SORCS3: variants seen among roughly 807,000 people sequenced by gnomAD.
SORCS3 encodes VPS10 domain-containing receptor SorCS3.
In SORCS3, 57 loss-of-function variants were observed where a neutral mutation model predicts 146.3. The observed-to-expected ratio is 0.39, with a 90% CI of 0.31 to 0.49. SORCS3 has a LOEUF of 0.49. Among genes scored for constraint, SORCS3 ranks in the 20% least tolerant of loss-of-function variants. The probability of loss-of-function intolerance (pLI) is 0.92; values close to 1 mark genes in which losing one functional copy is unlikely to be tolerated. For missense variants in SORCS3, 1,341 were observed against 1,575.5 expected (o/e 0.85, Z 2.52); for synonymous variants, 653 against 618.5 (o/e 1.06, Z -0.83).
At chr10:105,173,513 T>G (rs1336312976) in intron 13 of SORCS3, among the ~76,000 whole-genome samples, 1 of 152,178 alleles carries the variant, frequency 6.6e-6, no homozygotes, top group African/African-American at 2.4e-5. Context: ...TATTTCCATT[T>G]TTTTTCCACT....
intron 20 of SORCS3, among the ~76,000 whole-genome samples, chr10:105,242,001 A>G (rs2056826269): frequency 6.6e-6 from 1 of 151,992 alleles, no homozygotes; most frequent in African/African-American, 2.4e-5. Context: ...TTAACTTGTA[A>G]CTTGGCTTTC....
intron 13 of SORCS3, among the ~76,000 whole-genome samples, chr10:105,175,781 G>A (rs1305254396): frequency 6.6e-6 from 1 of 152,174 alleles, no homozygotes; most frequent in Non-Finnish European, 1.5e-5. Context: ...GACAGATGAT[G>A]ATAATTTAGA....
intron 2 of SORCS3, among the ~76,000 whole-genome samples, chr10:104,848,718 C>CT (rs2018236198): frequency 6.6e-6 from 1 of 152,204 alleles, no homozygotes; most frequent in African/African-American, 2.4e-5. Flanking sequence ...CTGGTGGAAA[C>CT]TCCTGAATGG....
At chr10:105,120,669 A>G (rs779128175) in intron 7 of SORCS3, among the ~76,000 whole-genome samples, 6 of 152,338 alleles carry the variant, frequency 3.9e-5, no homozygotes, top group Admixed American at 2.0e-4. Flanking sequence ...GTTGCTTGCT[A>G]GGTCAATTTG....
chr10:105,088,820 C>T (rs758451924), intron 5 of SORCS3, among the ~76,000 whole-genome samples: 31 of 152,306 alleles, frequency 2.0e-4, no homozygotes, highest in Middle Eastern at 6.8e-3. Context: ...TTGGGTCTCA[C>T]CATTTTCAAT....
Position 104,952,610 on chromosome 10 carries a change from C to T in SORCS3, c.796-24725C>T, listed in dbSNP as rs535337332. ...CCATGTACAGGAACAAATGAAAGTT[C>T]TTCCATTTTCTGCCTTGTGACCAAA... is the stretch of plus-strand genomic sequence containing the variant. On this transcript the variant is annotated intron_variant, in intron 3 of 26. Transcript: ENST00000369701. Among the ~76,000 whole-genome samples, 28 of 152,284 alleles carry T rather than the reference C, an allele frequency of 1.8e-4. No individual in the cohort carries two copies. The South Asian group carries it at 5.6e-3, about 30-fold the overall frequency.
chr10:104,986,230 T>C (rs2054961809), intron 4 of SORCS3, among the ~76,000 whole-genome samples: 1 of 152,218 alleles, frequency 6.6e-6, no homozygotes, highest in African/African-American at 2.4e-5. Context: ...CACTTGTATG[T>C]TATGGAGATG....
At chr10:105,024,306 T>G (rs531604630) in intron 4 of SORCS3, among the ~76,000 whole-genome samples, 97 of 152,268 alleles carry the variant, frequency 6.4e-4, no homozygotes, top group African/African-American at 1.8e-3. Flanking sequence ...CACTCTTTTT[T>G]TTGTTGTTGT....
chr10:105,056,408 A>C (rs183289865), intron 5 of SORCS3, among the ~76,000 whole-genome samples: 1 of 152,204 alleles, frequency 6.6e-6, no homozygotes, highest in Non-Finnish European at 1.5e-5. Flanking sequence ...TTAGGAAAAA[A>C]AAGTTTGTGT....
At chr10:105,108,038 TTCTA>T (rs1421772352) in intron 7 of SORCS3, among the ~76,000 whole-genome samples, 1 of 110,010 alleles carries the variant, frequency 9.1e-6, no homozygotes, top group African/African-American at 3.2e-5. Context: ...AATATTTGCT[TTCTA>T]TCTTTTATCT....
chr10:104,954,390 G>T (rs1204779762), intron 3 of SORCS3, among the ~76,000 whole-genome samples: 1 of 152,094 alleles, frequency 6.6e-6, no homozygotes. Flanking sequence ...TGAATTGAAG[G>T]GTATTAAAAA....
At chr10:105,187,632 A>T (rs2056487212) in intron 14 of SORCS3, among the ~76,000 whole-genome samples, 1 of 152,184 alleles carries the variant, frequency 6.6e-6, no homozygotes, top group Non-Finnish European at 1.5e-5. Flanking sequence ...AGGCAGAGGA[A>T]AAAGGAGGCA....
chr10:104,960,732 G>A (rs2054791043), intron 3 of SORCS3, among the ~76,000 whole-genome samples: 1 of 152,094 alleles, frequency 6.6e-6, no homozygotes, highest in South Asian at 2.1e-4. Context: ...GAGTTTTGGA[G>A]GGGACAAATA....
chr10:104,805,220 G>C (rs2017667700), intron 1 of SORCS3, among the ~76,000 whole-genome samples: 2 of 152,194 alleles, frequency 1.3e-5, no homozygotes, highest in African/African-American at 2.4e-5. Context: ...TTATAGGAGA[G>C]ATGCAGATGC....
In SORCS3 at chr10:105,158,757, C is replaced by A; in HGVS notation, c.1630-135C>A. 11 of 666,004 alleles carry A rather than the reference C, an allele frequency of 1.7e-5. No individual in the cohort carries two copies. In the South Asian group the frequency reaches 1.7e-4, roughly 11 times the overall value. 41.3% of individuals were successfully genotyped at this position (666,004 alleles called of 1,614,324 possible). On this transcript the variant is annotated intron_variant, in intron 10 of 26. Transcript: ENST00000369701. ...CTATCTCAGGTGCGGATATCTCCTG[C>A]CCAAAACTGTGTGACTCACCATCCA... is the stretch of plus-strand genomic sequence containing the variant.
intron 1 of SORCS3, among the ~76,000 whole-genome samples, chr10:104,686,699 C>T (rs2016047678): frequency 6.6e-6 from 1 of 151,960 alleles, no homozygotes; most frequent in African/African-American, 2.4e-5. Flanking sequence ...CTCTTCCCTC[C>T]TTGTCATCAA....
intron 2 of SORCS3, among the ~76,000 whole-genome samples, chr10:104,862,237 G>A (rs2018411287): frequency 6.6e-6 from 1 of 152,110 alleles, no homozygotes; most frequent in Non-Finnish European, 1.5e-5. Context: ...AGTGCATAAT[G>A]GTACATGGAC....
At chr10:105,065,107 G>A (rs1293085561) in intron 5 of SORCS3, among the ~76,000 whole-genome samples, 1 of 152,142 alleles carries the variant, frequency 6.6e-6, no homozygotes, top group Non-Finnish European at 1.5e-5. Flanking sequence ...GAGTGAATAT[G>A]GGGAGATTCA....
chr10:105,064,724 A>G (rs576805801), intron 5 of SORCS3, among the ~76,000 whole-genome samples: 1 of 144,236 alleles, frequency 6.9e-6, no homozygotes, highest in East Asian at 1.9e-4. Context: ...AGAAGGAGGT[A>G]GGGAAGGAGA....
Sources: gnomAD v4.1 joint callset for allele counts (sites outside exome capture counted in the v4.1 genomes callset) on GRCh38, gnomAD v4.1.1 for gene constraint, MANE v1.5 for transcripts, NCBI Gene and HGNC (gene_info 2026-07-23, HGNC 2026-07-21) for gene names.